The following BLK variants were observed in gnomAD, a reference collection of about 807,000 sequenced individuals.
BLK encodes tyrosine-protein kinase Blk.
BLK carries 64 observed loss-of-function variants against 61.8 expected under a neutral mutation model. That is an observed-to-expected ratio of 1.03 (90% CI 0.85 to 1.27). BLK has a LOEUF of 1.27. BLK is among the 50% of genes most tolerant of loss of function. The pLI is 0.00. For missense variants in BLK, 853 were observed against 660.5 expected, an observed-to-expected ratio of 1.29 and a Z score of -3.19; for synonymous variants, 351 against 272.0, an observed-to-expected ratio of 1.29 and a Z score of -2.86.
intron 7 of BLK, 127 bp from the exon 8 acceptor site, chr8:11,555,205 G>A (rs1801140427): frequency 7.9e-7 from 1 of 1,265,358 alleles, no homozygotes. Flanking sequence ...GTGCAGGCGT[G>A]TGCACACACC....
At chr8:11,516,831 A>G (rs1799248221) in intron 1 of BLK, among the ~76,000 whole-genome samples, 1 of 152,192 alleles carries the variant, frequency 6.6e-6, no homozygotes, top group South Asian at 2.1e-4. Flanking sequence ...CCATCTGTCC[A>G]TGGACACTGG....
intron 1 of BLK, among the ~76,000 whole-genome samples, chr8:11,514,130 A>G (rs562487276): frequency 4.6e-5 from 7 of 152,300 alleles, no homozygotes; most frequent in Non-Finnish European, 5.9e-5. Context: ...GAGTGGAGGA[A>G]AATCCTTGTT....
chr8:11,520,929 C>G (rs1799425819), intron 1 of BLK, among the ~76,000 whole-genome samples: 1 of 151,510 alleles, frequency 6.6e-6, no homozygotes, highest in Non-Finnish European at 1.5e-5. Context: ...AAATTTAATG[C>G]CAATAAAAAT....
In BLK at chr8:11,561,331, C is replaced by A. The variant is rs1179361511; in HGVS notation, c.1059C>A (p.Arg353=). 4 of 1,613,974 alleles carry A rather than the reference C, an allele frequency of 2.5e-6. No homozygotes were observed. The highest frequency in any genetic ancestry group is 3.4e-6 in the Non-Finnish European group (4 of 1,179,958). ...QIAEGMAYIE[R]MNSIHRDLRA... The stretch of plus-strand genomic sequence containing the variant: ...CTGAAGGGATGGCATACATTGAGCG[C>A]ATGAATTCCATCCACCGCGACCTGC... The change falls in exon 11 of 13, where the codon CGC becomes CGA. Residue 353 remains arginine, a synonymous_variant. Transcript: ENST00000259089.
chr8:11,563,873 C>G (rs377355440), intron 12 of BLK, 30 bp from the exon 13 acceptor site: 125 of 1,593,802 alleles, frequency 7.8e-5, no homozygotes, highest in Non-Finnish European at 9.9e-5. Context: ...CCCAGCCCCT[C>G]ACCCCCGCTT....
chr8:11,541,134 G>A (rs1463197651), intron 1 of BLK, among the ~76,000 whole-genome samples: 1 of 152,108 alleles, frequency 6.6e-6, no homozygotes. Flanking sequence ...GGGCATGGTA[G>A]CACATGCCTG....
intron 1 of BLK, among the ~76,000 whole-genome samples, chr8:11,504,908 G>T (rs1028270200): frequency 6.6e-6 from 1 of 152,142 alleles, no homozygotes; most frequent in Admixed American, 6.5e-5. Context: ...TCAGGCAAGG[G>T]GGTAATGGAT....
chr8:11,521,110 G>A (rs1233112014), intron 1 of BLK, among the ~76,000 whole-genome samples: 1 of 152,104 alleles, frequency 6.6e-6, no homozygotes, highest in Non-Finnish European at 1.5e-5. Context: ...CCAGAAATAG[G>A]CCCATGATTA....
chr8:11,542,742 C>G (rs1157710131), intron 1 of BLK, among the ~76,000 whole-genome samples: 1 of 152,228 alleles, frequency 6.6e-6, no homozygotes, highest in Non-Finnish European at 1.5e-5. Flanking sequence ...ACCCAAAAAT[C>G]TGAGAGGGAG....
chr8:11,558,508 T>C (rs1563123448), intron 10 of BLK: 3 of 375,952 alleles, frequency 8.0e-6, no homozygotes, highest in Non-Finnish European at 1.6e-5. Flanking sequence ...CCCAGGCTGA[T>C]GGGCAGGCCT....
Position 11,554,869 on chromosome 8 carries a change from C to A in BLK, c.599C>A (p.Ala200Asp), listed in dbSNP as rs781498417. 1.7e-5 allele frequency: 27 copies of A among 1,613,448 alleles called. 1 individual carries two copies. The South Asian group carries it at 3.0e-4, about 18-fold the overall frequency. ...SPRITFPSLQALVQHYSKKGD... is the reference protein window; with the variant it reads ...SPRITFPSLQDLVQHYSKKGD... ...CGGATCACCTTCCCCTCGCTCCAGGCCCTGGTGCAGCACTATTCTAGTAAG... is the reference window on the plus strand; with the variant it reads ...CGGATCACCTTCCCCTCGCTCCAGGACCTGGTGCAGCACTATTCTAGTAAG... The change falls in exon 7 of 13, where the codon GCC (alanine) becomes GAC (aspartate). Residue 200 changes from alanine to aspartate, a missense_variant. Transcript: ENST00000259089.
intron 10 of BLK, chr8:11,560,313 G>A (rs1446132147): frequency 9.2e-6 from 2 of 217,446 alleles, no homozygotes; most frequent in African/African-American, 2.4e-5. Flanking sequence ...ATGGAAGGAT[G>A]CATAGATGGA....
At chr8:11,547,672 G>C (rs1236114447) in intron 3 of BLK, among the ~76,000 whole-genome samples, 2 of 152,198 alleles carry the variant, frequency 1.3e-5, no homozygotes, top group African/African-American at 2.4e-5. Context: ...CCGAGGGCAG[G>C]TGTAGAATAA....
chr8:11,537,849 C>G (rs1030205646), intron 1 of BLK, among the ~76,000 whole-genome samples: 4 of 152,226 alleles, frequency 2.6e-5, no homozygotes, highest in African/African-American at 2.4e-5. Context: ...CACCACACCC[C>G]TTGTTTGACT....
intron 5 of BLK, chr8:11,549,932 C>T (rs753058974): frequency 5.2e-6 from 3 of 577,526 alleles, no homozygotes; most frequent in Non-Finnish European, 9.4e-6. Context: ...TTGTTTCGTT[C>T]TAGGAAAACA....
chr8:11,528,227 G>C (rs1004792059), intron 1 of BLK, among the ~76,000 whole-genome samples: 1 of 152,134 alleles, frequency 6.6e-6, no homozygotes, highest in Non-Finnish European at 1.5e-5. Context: ...TGTAGAGATG[G>C]AGTCTTGCTG....
rs368584659 is a variant in BLK at position 11,521,794 on chromosome 8, C to A, written c.-1-21430C>A. 3.9e-5 allele frequency among the ~76,000 whole-genome samples: 6 copies of A among 152,224 alleles called. No homozygotes were observed. In the East Asian group the frequency reaches 7.7e-4, roughly 20 times the overall value. On this transcript the variant is annotated intron_variant, in intron 1 of 12. Coordinates refer to ENST00000259089, the MANE Select transcript of BLK (RefSeq NM_001715.3). ...TCACTTCCTGTTCTATTTTTACACT[C>A]CCTGGTCCGTTCCATCTTCATTACT...
intron 1 of BLK, among the ~76,000 whole-genome samples, chr8:11,503,721 T>C (rs1317781048): frequency 6.6e-6 from 1 of 152,156 alleles, no homozygotes. Context: ...TGGAGGTTCC[T>C]ATGTGCAGGT....
At chr8:11,497,823 C>T (rs557871540) in intron 1 of BLK, among the ~76,000 whole-genome samples, 1 of 152,298 alleles carries the variant, frequency 6.6e-6, no homozygotes, top group East Asian at 1.9e-4. Flanking sequence ...TGGCACATTC[C>T]ACTTCCTGTA....
Sources: allele counts gnomAD v4.1 joint callset (sites outside exome capture counted in the v4.1 genomes callset), GRCh38; gene constraint gnomAD v4.1.1; transcripts MANE v1.5; gene names NCBI Gene and HGNC (gene_info 2026-07-23, HGNC 2026-07-21).